OSBPL3: variants seen among roughly 807,000 people sequenced by gnomAD.
OSBPL3 encodes oxysterol binding protein like 3, also known as oxysterol-binding protein-related protein 3.
OSBPL3 carries 65 observed loss-of-function variants against 120.1 expected under a neutral mutation model. The observed-to-expected ratio is 0.54, with a 90% confidence interval of 0.44 to 0.67. The LOEUF is 0.67. Among genes scored for constraint, OSBPL3 ranks in the 30% least tolerant of loss-of-function variants. OSBPL3 has a pLI of 0.00. For missense variants in OSBPL3, 1,004 were observed against 1,082.1 expected, an observed-to-expected ratio of 0.93 and a Z score of 1.01; for synonymous variants, 416 against 402.6, an observed-to-expected ratio of 1.03 and a Z score of -0.40.
In OSBPL3 at chr7:24,939,862, G is replaced by A. The variant is rs930378359; in HGVS notation, c.-150+40024C>T. The stretch of plus-strand genomic sequence containing the variant: ...AGGGTGGGAGGAAAGAGGAGGGAGA[G>A]CATTAGGACAAATATCTAATGCATG... On this transcript the variant is annotated intron_variant, in intron 1 of 22. Coordinates refer to ENST00000313367, the MANE Select transcript of OSBPL3 (RefSeq NM_015550.4). The surrounding 1 kb of genome is among the most constrained non-coding windows in gnomAD (Gnocchi z 4.2). Among the ~76,000 whole-genome samples, 2 of 152,144 alleles carry A rather than the reference G, an allele frequency of 1.3e-5. No individual in the cohort carries two copies. The highest frequency in any genetic ancestry group is 4.8e-5 in the African/African-American group (2 of 41,444).
chr7:24,931,534 A>T (rs914327484), intron 1 of OSBPL3, among the ~76,000 whole-genome samples: 2 of 152,198 alleles, frequency 1.3e-5, no homozygotes, highest in African/African-American at 4.8e-5. Flanking sequence ...GAGCCAAGGA[A>T]TGCAAGCAGC....
At position 24,844,506 on chromosome 7, in the gene OSBPL3, CAG is replaced by C. The variant is rs376718637; in HGVS notation, c.1267-2095_1267-2094del. Among the ~76,000 whole-genome samples the C allele has an allele frequency of 7.2e-4, 109 of 151,832 alleles. 1 individual carries two copies. In the East Asian group the frequency reaches 0.017, roughly 23 times the overall value. On this transcript the variant is annotated intron_variant, in intron 12 of 22. Transcript: ENST00000313367. ...ATTGGAAACCCCTAAATTAAATAAA[CAG>C]AGAAAAGGGAGGGAAAGGAACATTC...
Position 24,867,603 on chromosome 7 carries a change from T to C in OSBPL3, c.382-1366A>G, listed in dbSNP as rs1444428810. ...TTTGCCTGCCACCATCCACAGATGATGTCACTTGCTCCTATTTGCCTTCTG... is the reference window on the plus strand; with the variant it reads ...TTTGCCTGCCACCATCCACAGATGACGTCACTTGCTCCTATTTGCCTTCTG... On this transcript the variant is annotated intron_variant, in intron 5 of 22. Coordinates refer to ENST00000313367, the MANE Select transcript of OSBPL3 (RefSeq NM_015550.4). This position sits in a 1 kb window ranked among gnomAD's most constrained non-coding sequence, Gnocchi z 4.5. Among the ~76,000 whole-genome samples, 2 of 152,208 alleles carry C rather than the reference T, an allele frequency of 1.3e-5. No homozygotes were observed. Among genetic ancestry groups the C allele is most frequent in the Non-Finnish European group, 2.9e-5 (2 of 68,038 alleles).
chr7:24,974,010 C>A (rs975217841), intron 1 of OSBPL3, among the ~76,000 whole-genome samples: 6 of 152,124 alleles, frequency 3.9e-5, no homozygotes, highest in Non-Finnish European at 7.4e-5. Context: ...ACAATATATT[C>A]AAAATATTAT....
chr7:24,931,688 CA>C (rs977150800), intron 1 of OSBPL3, among the ~76,000 whole-genome samples: 3 of 151,220 alleles, frequency 2.0e-5, no homozygotes, highest in African/African-American at 7.3e-5. Flanking sequence ...TAAATTTAAA[CA>C]ACTTAAGCTT....
At chr7:24,906,547 G>C (rs1807956452) in intron 1 of OSBPL3, 1 of 158,148 alleles carries the variant, frequency 6.3e-6, no homozygotes, top group Non-Finnish European at 1.4e-5. Context: ...CAGATGAAGA[G>C]TCATGAGTGA....
chr7:24,920,519 T>G (rs193245198), intron 1 of OSBPL3, among the ~76,000 whole-genome samples: 124 of 152,360 alleles, frequency 8.1e-4, no homozygotes, highest in Middle Eastern at 6.8e-3. Flanking sequence ...ATGGAGTTTC[T>G]TTTTGAGTGA....
Position 24,938,365 on chromosome 7 carries a change from C to A in OSBPL3, c.-150+41521G>T, listed in dbSNP as rs1812666010. Among the ~76,000 whole-genome samples the A allele has an allele frequency of 6.6e-6, 1 of 152,212 alleles. No individual in the cohort carries two copies. Among genetic ancestry groups the A allele is most frequent in the African/African-American group, 2.4e-5 (1 of 41,446 alleles). Reference sequence around the variant, plus strand: ...GACTTCACAGTCTCCAGACTGTAAGCAACCCATTTCTATTGTTTATAAATT... The same window carrying A: ...GACTTCACAGTCTCCAGACTGTAAGAAACCCATTTCTATTGTTTATAAATT... On this transcript the variant is annotated intron_variant, in intron 1 of 22. Coordinates refer to ENST00000313367, the MANE Select transcript of OSBPL3 (RefSeq NM_015550.4). This position sits in a 1 kb window ranked among gnomAD's most constrained non-coding sequence, Gnocchi z 5.8.
Position 24,797,041 on chromosome 7 carries a change from A to G in OSBPL3, c.*3142T>C, listed in dbSNP as rs1250609519. On this transcript the variant is annotated 3_prime_UTR_variant, in exon 23 of 23. Transcript: ENST00000313367. This position sits in a 1 kb window ranked among gnomAD's most constrained non-coding sequence, Gnocchi z 4.8. ...GGACACCTTCTTATTGCTTCTACTC[A>G]TAACTAAAAGGTCTGCGGAGATTCT... 6.6e-6 allele frequency: 1 copy of G among 152,258 alleles called. No individual in the cohort carries two copies. Among genetic ancestry groups the G allele is most frequent in the Admixed American group, 6.5e-5 (1 of 15,282 alleles). 9.4% of individuals were successfully genotyped at this position (152,258 alleles called of 1,614,324 possible).
intron 1 of OSBPL3, among the ~76,000 whole-genome samples, chr7:24,971,386 A>G (rs1033835267): frequency 6.6e-6 from 1 of 152,274 alleles, no homozygotes; most frequent in African/African-American, 2.4e-5. Flanking sequence ...AGGAACTAAG[A>G]GGAGGCTGGA....
intron 1 of OSBPL3, among the ~76,000 whole-genome samples, chr7:24,945,684 T>C: frequency 6.6e-6 from 1 of 152,220 alleles, no homozygotes; most frequent in East Asian, 1.9e-4. Context: ...CTAAGCAGTC[T>C]AGAGTCCCTT....
Position 24,834,311 on chromosome 7 carries a change from T to A in OSBPL3, c.1746+175A>T. 6.9e-7 allele frequency: 1 copy of A among 1,449,770 alleles called. No individual in the cohort carries two copies. Among genetic ancestry groups the A allele is most frequent in the Non-Finnish European group, 9.1e-7 (1 of 1,098,508 alleles). 89.8% of individuals were successfully genotyped at this position (1,449,770 alleles called of 1,614,324 possible). On this transcript the variant is annotated intron_variant, in intron 15 of 22. Coordinates refer to ENST00000313367, the MANE Select transcript of OSBPL3 (RefSeq NM_015550.4). This position sits in a 1 kb window ranked among gnomAD's most constrained non-coding sequence, Gnocchi z 5.2. ...ACCCCGTCTCCAAATCCTCACAAGG[T>A]GACTGGAAACAGCCAGGCGGAGGAA...
In OSBPL3 at chr7:24,932,266, TG is replaced by T. The variant is rs1410633276; in HGVS notation, c.-149-39646del. On this transcript the variant is annotated intron_variant, in intron 1 of 22. Transcript: ENST00000313367. The surrounding 1 kb of genome is among the most constrained non-coding windows in gnomAD (Gnocchi z 5.6). Reference sequence around the variant, plus strand: ...GAATTTGAATGCAGGCATTTCGGACTGAAGATCACCTTTTTATCCAGTGTAC... The same window carrying T: ...GAATTTGAATGCAGGCATTTCGGACTAAGATCACCTTTTTATCCAGTGTAC... 2.0e-5 allele frequency among the ~76,000 whole-genome samples: 3 copies of T among 152,218 alleles called. No individual in the cohort carries two copies. The highest frequency in any genetic ancestry group is 7.2e-5 in the African/African-American group (3 of 41,446).
At chr7:24,926,908 T>TA (rs1811125752) in intron 1 of OSBPL3, among the ~76,000 whole-genome samples, 1 of 152,366 alleles carries the variant, frequency 6.6e-6, no homozygotes, top group South Asian at 2.1e-4. Context: ...TGCATCCATG[T>TA]AAATAAAACC....
At position 24,811,592 on chromosome 7, in the gene OSBPL3, G is replaced by T. The variant is rs144446510; in HGVS notation, c.2173-1641C>A. On this transcript the variant is annotated intron_variant, in intron 19 of 22. Transcript: ENST00000313367. Reference sequence around the variant, plus strand: ...TAATAACTGCCCTGACCAACGTCATGAAGCTTTTCCCCTTATGTTTTTGTT... The same window carrying T: ...TAATAACTGCCCTGACCAACGTCATTAAGCTTTTCCCCTTATGTTTTTGTT... 5.6e-4 allele frequency among the ~76,000 whole-genome samples: 85 copies of T among 152,338 alleles called. No individual in the cohort carries two copies. The East Asian group carries it at 0.015, about 27-fold the overall frequency.
Position 24,867,063 on chromosome 7 carries a change from G to C in OSBPL3, c.382-826C>G, listed in dbSNP as rs1255484767. On this transcript the variant is annotated intron_variant, in intron 5 of 22. Coordinates refer to ENST00000313367, the MANE Select transcript of OSBPL3 (RefSeq NM_015550.4). This position sits in a 1 kb window ranked among gnomAD's most constrained non-coding sequence, Gnocchi z 4.5. Reference sequence around the variant, plus strand: ...GATCTGCCCGCCTCGGCCTCCCAAAGTGCTGGGATTACAGGCGTGAGCCAC... The same window carrying C: ...GATCTGCCCGCCTCGGCCTCCCAAACTGCTGGGATTACAGGCGTGAGCCAC... Among the ~76,000 whole-genome samples the C allele has an allele frequency of 6.6e-6, 1 of 152,200 alleles. No individual in the cohort carries two copies. Among genetic ancestry groups the C allele is most frequent in the Non-Finnish European group, 1.5e-5 (1 of 68,038 alleles).
At position 24,803,666 on chromosome 7, in the gene OSBPL3, G is replaced by A. The variant is rs1046652985; in HGVS notation, c.2567+649C>T. On this transcript the variant is annotated intron_variant, in intron 22 of 22. Coordinates refer to ENST00000313367, the MANE Select transcript of OSBPL3 (RefSeq NM_015550.4). The surrounding 1 kb of genome is among the most constrained non-coding windows in gnomAD (Gnocchi z 4.2). ...CGCGCCTGTAGTCCCAGCTACTTAGGAGGCTGAGGCAGGAGAATCGCTTGA... is the reference window on the plus strand; with the variant it reads ...CGCGCCTGTAGTCCCAGCTACTTAGAAGGCTGAGGCAGGAGAATCGCTTGA... 2.6e-5 allele frequency among the ~76,000 whole-genome samples: 4 copies of A among 152,120 alleles called. No individual in the cohort carries two copies. Among genetic ancestry groups the A allele is most frequent in the Non-Finnish European group, 4.4e-5 (3 of 68,022 alleles).
intron 7 of OSBPL3, among the ~76,000 whole-genome samples, chr7:24,865,021 T>C (rs1442956386): frequency 1.3e-5 from 2 of 152,166 alleles, no homozygotes; most frequent in Non-Finnish European, 2.9e-5. Context: ...AGCACAATGA[T>C]TCTCAATCTT....
chr7:24,861,627 T>A lies in OSBPL3; in HGVS notation c.1013A>T (p.His338Leu). 2 of 1,598,432 alleles carry A rather than the reference T, an allele frequency of 1.3e-6. No homozygotes were observed. Among genetic ancestry groups the A allele is most frequent in the Non-Finnish European group, 1.7e-6 (2 of 1,174,210 alleles). The change falls in exon 10 of 23, where the codon CAT becomes CTT. Residue 338 changes from histidine to leucine, a missense_variant. Physicochemically the swap from His to Leu is moderately conservative, Grantham distance 99. Transcript: ENST00000313367. ...AACTCATTTACCTTTATGGGCAATA[T>A]GACACAGATCTTCTTGCATTTTAGA... The part of the protein sequence containing the change: ...EFSKMQEDLC[H>L]IAHKVYFTLR...
Sources: gnomAD v4.1 joint callset for allele counts (sites outside exome capture counted in the v4.1 genomes callset) on GRCh38, gnomAD v4.1.1 for gene constraint, Gnocchi (gnomAD v3.1) non-coding constraint, MANE v1.5 for transcripts, NCBI Gene and HGNC (gene_info 2026-07-23, HGNC 2026-07-21) for gene names.